Variants in QDPR observed in about 807,000 individuals in gnomAD.
The protein encoded by QDPR is quinoid dihydropteridine reductase, also known as dihydropteridine reductase.
QDPR carries 23 observed loss-of-function variants against 31.7 expected under a neutral mutation model. That is an observed-to-expected ratio of 0.73 (90% CI 0.52 to 1.03). The LOEUF is 1.03. Ranked by LOEUF, QDPR falls within the 50% of genes least tolerant of loss-of-function variation. The pLI is 0.00. For synonymous variants in QDPR, 124 were observed against 124.7 expected, an observed-to-expected ratio of 0.99 and a Z score of 0.03; for missense variants, 324 against 323.8, an observed-to-expected ratio of 1.00 and a Z score of 0.00.
chr4:17,490,690 A>G lies in QDPR; in HGVS notation c.601T>C (p.Ser201Pro), dbSNP rs1406005391. 2 of 1,614,068 alleles carry G rather than the reference A, an allele frequency of 1.2e-6. No homozygotes were observed. The highest frequency in any genetic ancestry group is 1.3e-5 in the African/African-American group (1 of 75,038). Residue 201 changes from serine (S) to proline (P), a missense_variant, in exon 6 of 7, where the codon TCC (serine) becomes CCC (proline). Ser to Pro is a moderately conservative substitution (Grantham distance 74, BLOSUM62 -1). Transcript: ENST00000281243. ...ACTAGGAATTCTAAGGGTGTCCAGG[A>G]GCTGAAGTCAGCCTCAGGCATTGAT... ...RKSMPEADFSSWTPLEFLVET... is the reference protein window; with the variant it reads ...RKSMPEADFSPWTPLEFLVET...
At chr4:17,487,730 A>G (rs1718019060) in intron 6 of QDPR, among the ~76,000 whole-genome samples, 1 of 152,184 alleles carries the variant, frequency 6.6e-6, no homozygotes, top group Non-Finnish European at 1.5e-5. Flanking sequence ...TGAGATGCCA[A>G]GGCGGGCGGA....
rs1718124638 is a variant in QDPR, at chr4:17,490,585, A to AC, written c.629+76dup. On this transcript the variant is annotated intron_variant, in intron 6 of 6. Transcript: ENST00000281243. Reference sequence around the variant, plus strand: ...GGATTGACGATCTCAGGGAACACAGACTTGTCCTCTGGACCACAGCAGGCA... The same window carrying AC: ...GGATTGACGATCTCAGGGAACACAGACCTTGTCCTCTGGACCACAGCAGGCA... 21 of 1,240,826 alleles carry AC rather than the reference A, an allele frequency of 1.7e-5. 1 individual carries two copies. In the South Asian group the frequency reaches 2.5e-4, roughly 15 times the overall value. The allele number at this position is 1,240,826 out of a possible 1,614,324, so 76.9% of individuals were successfully genotyped here. A position where few individuals can be genotyped will look rare whatever the true frequency, so the allele number is the denominator to read the frequency against.
chr4:17,504,514 T>C (rs781143049), intron 2 of QDPR, 39 bp from the exon 3 acceptor site: 3 of 1,515,348 alleles, frequency 2.0e-6, no homozygotes, highest in Non-Finnish European at 2.8e-6. Flanking sequence ...AACTGTAAGG[T>C]AAGCCAACAC....
chr4:17,509,940 C>A (rs966296492), intron 1 of QDPR: 4 of 456,140 alleles, frequency 8.8e-6, no homozygotes, highest in Admixed American at 2.3e-5. Context: ...TTACCTTAGG[C>A]TTTGCTGGCC....
intron 1 of QDPR, among the ~76,000 whole-genome samples, 200 bp downstream of exon 1, chr4:17,511,750 G>A (rs1450337239): frequency 6.6e-6 from 1 of 152,162 alleles, no homozygotes; most frequent in Admixed American, 6.5e-5. Context: ...CACAGCAAAG[G>A]CCCAGCGCCC....
rs767223209 is a variant in QDPR at position 17,492,273 on chromosome 4, G to C, written c.504C>G (p.Asn168Lys). The C allele has an allele frequency of 1.2e-5, 20 of 1,614,056 alleles. No homozygotes were observed. Among genetic ancestry groups the C allele is most frequent in the Non-Finnish European group, 1.6e-5 (19 of 1,180,046 alleles). ...HQLCQSLAGK[N>K]SGMPPGAAAI... is the part of the protein sequence containing the mutation. Reference sequence around the variant, plus strand: ...CGGCTGCCCCGGGCGGCATGCCGCTGTTCTTCCCAGCCAGGCTCTGGCAGA... The same window carrying C: ...CGGCTGCCCCGGGCGGCATGCCGCTCTTCTTCCCAGCCAGGCTCTGGCAGA... Residue 168 changes from asparagine to lysine, a missense_variant, in exon 5 of 7, where the codon AAC (asparagine) becomes AAG (lysine). Transcript: ENST00000281243.
In QDPR at chr4:17,503,658, T is replaced by C. The variant is rs537459300; in HGVS notation, c.295+721A>G. Among the ~76,000 whole-genome samples the C allele has an allele frequency of 3.2e-4, 48 of 152,156 alleles. 1 individual carries two copies. In the South Asian group the frequency reaches 5.2e-3, roughly 16 times the overall value. Reference sequence around the variant, plus strand: ...GCTTAGAAATGTTCATAATGAAAAGTTGAAAAATGGGCCAGGCGCACTGGC... The same window carrying C: ...GCTTAGAAATGTTCATAATGAAAAGCTGAAAAATGGGCCAGGCGCACTGGC... On this transcript the variant is annotated intron_variant, in intron 3 of 6. Coordinates refer to ENST00000281243, the MANE Select transcript of QDPR (RefSeq NM_000320.3).
intron 2 of QDPR, among the ~76,000 whole-genome samples, chr4:17,508,310 A>G (rs907608348): frequency 7.2e-5 from 11 of 152,198 alleles, no homozygotes; most frequent in African/African-American, 2.7e-4. Flanking sequence ...ATTGGGGTGC[A>G]TGCCTGTAAT....
chr4:17,495,066 C>T (rs28547068), intron 4 of QDPR, among the ~76,000 whole-genome samples: 16,369 of 152,154 alleles, frequency 0.11, 1,787 homozygotes, highest in East Asian at 0.44. Context: ...GGGGGTGATG[C>T]TTCTCCCACT....
At chr4:17,503,028 C>CCTGAGT (rs1718626342) in intron 3 of QDPR, among the ~76,000 whole-genome samples, 4 of 152,224 alleles carry the variant, frequency 2.6e-5, no homozygotes, top group Admixed American at 6.5e-5. Flanking sequence ...CACCATCACT[C>CCTGAGT]AGGAAGAATT....
intron 4 of QDPR, among the ~76,000 whole-genome samples, chr4:17,498,532 G>A (rs1049417798): frequency 6.6e-6 from 1 of 152,142 alleles, no homozygotes; most frequent in Non-Finnish European, 1.5e-5. Flanking sequence ...AATAGCAACC[G>A]TAATGGCTTA....
At chr4:17,490,589 G>T in intron 6 of QDPR, 73 bp downstream of exon 6, 1 of 1,286,076 alleles carries the variant, frequency 7.8e-7, no homozygotes, top group Non-Finnish European at 1.1e-6. Context: ...ACACAGACTT[G>T]TCCTCTGGAC....
chr4:17,505,106 CTT>C (rs893050140), intron 2 of QDPR, among the ~76,000 whole-genome samples: 1 of 152,108 alleles, frequency 6.6e-6, no homozygotes, highest in Non-Finnish European at 1.5e-5. Flanking sequence ...TGTATGCCCT[CTT>C]GTTATAATTT....
chr4:17,501,774 C>T lies in QDPR; in HGVS notation c.381G>A (p.Lys127=). 1 of 1,614,168 alleles carries T rather than the reference C, an allele frequency of 6.2e-7. No homozygotes were observed. The highest frequency in any genetic ancestry group is 8.5e-7 in the Non-Finnish European group (1 of 1,180,020). The stretch of plus-strand genomic sequence containing the variant: ...CAGCCAAGGTCAGGAGGCCTCCTTC[C>T]TTGAGATGCTTGGTAGCCAGATGGC... ...ISSHLATKHL[K]EGGLLTLAGA... Residue 127 remains lysine, a synonymous_variant, in exon 4 of 7, where the codon AAG becomes AAA. Transcript: ENST00000281243.
chr4:17,511,837 T>A, intron 1 of QDPR, 113 bp downstream of exon 1: 1 of 1,055,822 alleles, frequency 9.5e-7, no homozygotes, highest in Admixed American at 2.2e-5. Context: ...GCAACACGAG[T>A]CAGGGGGTGC....
chr4:17,511,634 C>G (rs1416135185), intron 1 of QDPR, among the ~76,000 whole-genome samples: 1 of 152,160 alleles, frequency 6.6e-6, no homozygotes, highest in East Asian at 1.9e-4. Flanking sequence ...CTTCTACACT[C>G]TCTCTCCGTC....
intron 1 of QDPR, among the ~76,000 whole-genome samples, chr4:17,510,331 T>C (rs1384593080): frequency 6.6e-6 from 1 of 152,168 alleles, no homozygotes; most frequent in Non-Finnish European, 1.5e-5. Flanking sequence ...AGGTTGTTTG[T>C]TGATGATTAA....
intron 2 of QDPR, among the ~76,000 whole-genome samples, chr4:17,507,483 G>T (rs1459567987): frequency 1.3e-5 from 2 of 152,144 alleles, no homozygotes; most frequent in Non-Finnish European, 2.9e-5. Flanking sequence ...GAGCCCAGGA[G>T]TTCCAGTCCA....
Position 17,492,286 on chromosome 4 carries a change from A to G in QDPR, c.491T>C (p.Leu164Pro). ...KGAVHQLCQS[L>P]AGKNSGMPPG... ...CGGCATGCCGCTGTTCTTCCCAGCC[A>G]GGCTCTGGCAGAGCTGGTGAACAGC... is the stretch of plus-strand genomic sequence containing the variant. Residue 164 changes from leucine (L) to proline (P), a missense_variant, in exon 5 of 7, where the codon CTG becomes CCG. Coordinates refer to ENST00000281243, the MANE Select transcript of QDPR (RefSeq NM_000320.3). 2 of 1,614,222 alleles carry G rather than the reference A, an allele frequency of 1.2e-6. No homozygotes were observed. Among genetic ancestry groups the G allele is most frequent in the Non-Finnish European group, 1.7e-6 (2 of 1,180,036 alleles).
Sources: allele counts gnomAD v4.1 joint callset (sites outside exome capture counted in the v4.1 genomes callset), GRCh38; gene constraint gnomAD v4.1.1; transcripts MANE v1.5; gene names NCBI Gene and HGNC (gene_info 2026-07-23, HGNC 2026-07-21).